Variants in ARNT observed in about 807,000 individuals in gnomAD.
The protein encoded by ARNT is aryl hydrocarbon receptor nuclear translocator, also known as class E basic helix-loop-helix protein 2.
Under a neutral mutation model 105.0 loss-of-function variants are expected in ARNT, and 30 were observed. The observed-to-expected ratio is 0.29, with a 90% CI of 0.21 to 0.39. The LOEUF (loss-of-function observed/expected upper bound fraction) is 0.39. Among genes scored for constraint, ARNT ranks in the 10% least tolerant of loss-of-function variants. The pLI, the probability that ARNT is intolerant of heterozygous loss-of-function variation, is 1.00. For synonymous variants in ARNT, 304 were observed against 344.0 expected, an observed-to-expected ratio of 0.88 and a Z score of 1.29; for missense variants, 748 against 978.7, an observed-to-expected ratio of 0.76 and a Z score of 3.15.
At chr1:150,837,930 T>C (rs1216203378) in intron 6 of ARNT, among the ~76,000 whole-genome samples, 1 of 152,158 alleles carries the variant, frequency 6.6e-6, no homozygotes, top group Non-Finnish European at 1.5e-5. Context: ...CCTCAAAATC[T>C]AACTATTCTC....
rs1283074134 is a variant in ARNT, at chr1:150,817,093, T to C, written c.1688A>G (p.Asn563Ser). The C allele has an allele frequency of 3.1e-6, 5 of 1,614,174 alleles. No homozygotes were observed. The highest frequency in any genetic ancestry group is 2.2e-5 in the South Asian group (2 of 91,092). Residue 563 changes from asparagine (N) to serine (S), a missense_variant, in exon 17 of 22, where the codon AAC becomes AGC. Around this residue, in one of 4 missense-constraint regions of ARNT, gnomAD observed 360 missense variants for 411.9 expected, o/e 0.87. Coordinates refer to ENST00000358595, the MANE Select transcript of ARNT (RefSeq NM_001668.4). ...AGAAAGAAACATACCCGCATTGATG[T>C]TGTGATAGATTTCTGAAAATCTTGG... ...RDPRFSEIYH[N>S]INADQSKGIS...
chr1:150,821,875 T>A (rs1041507502), intron 14 of ARNT, among the ~76,000 whole-genome samples: 13 of 149,300 alleles, frequency 8.7e-5, no homozygotes, highest in Non-Finnish European at 1.6e-4. Context: ...TTTCACCATG[T>A]TGGCCAGGCT....
chr1:150,815,267 G>A lies in ARNT; in HGVS notation c.1950+992C>T, dbSNP rs939448473. Among the ~76,000 whole-genome samples the A allele has an allele frequency of 7.3e-5, 11 of 151,708 alleles. No homozygotes were observed. In the East Asian group the frequency reaches 1.7e-3, roughly 24 times the overall value. Reference sequence around the variant, plus strand: ...TATGAATATTATAAAAGAATTTTTCGGCTGGATGCGGTGGCTCATGCCTGT... The same window carrying A: ...TATGAATATTATAAAAGAATTTTTCAGCTGGATGCGGTGGCTCATGCCTGT... On this transcript the variant is annotated intron_variant, in intron 19 of 21. Coordinates refer to ENST00000358595, the MANE Select transcript of ARNT (RefSeq NM_001668.4).
At chr1:150,864,883 CAA>C (rs587599690) in intron 1 of ARNT, among the ~76,000 whole-genome samples, 43 of 75,690 alleles carry the variant, frequency 5.7e-4, no homozygotes, top group African/African-American at 9.3e-4. Context: ...TTCTTTAAAT[CAA>C]AAAAAAAAAA....
intron 1 of ARNT, among the ~76,000 whole-genome samples, chr1:150,872,066 C>A (rs914297824): frequency 1.3e-5 from 2 of 152,036 alleles, no homozygotes; most frequent in Admixed American, 6.6e-5. Flanking sequence ...AGGTGATACT[C>A]CCATCTCAGC....
intron 6 of ARNT, among the ~76,000 whole-genome samples, chr1:150,838,529 T>C (rs10305685): frequency 0.051 from 7,726 of 152,316 alleles, 660 homozygotes; most frequent in African/African-American, 0.18. Flanking sequence ...CTACAAAGTA[T>C]GTAGTTTTAA....
At chr1:150,830,323 G>T in intron 10 of ARNT, 1 of 187,690 alleles carries the variant, frequency 5.3e-6, no homozygotes, top group Non-Finnish European at 1.1e-5. Context: ...TCCAGCCTGG[G>T]CGACAGACAG....
In ARNT at chr1:150,842,282, C is replaced by T. The variant is rs1661426226; in HGVS notation, c.272+142G>A. The T allele has an allele frequency of 8.9e-6, 12 of 1,344,098 alleles. No homozygotes were observed. The Middle Eastern group carries it at 6.5e-4, about 73-fold the overall frequency. The allele number at this position is 1,344,098 out of a possible 1,614,324, so 83.3% of individuals were successfully genotyped here. On this transcript the variant is annotated intron_variant, in intron 5 of 21. Transcript: ENST00000358595. Reference sequence around the variant, plus strand: ...GGGAAGCCAAAGTTCCTGTTACACTCAAACTTCTAAAAAATCTTGTCCTCT... The same window carrying T: ...GGGAAGCCAAAGTTCCTGTTACACTTAAACTTCTAAAAAATCTTGTCCTCT...
Position 150,829,290 on chromosome 1 carries a change from C to T in ARNT, c.1033-63G>A, listed in dbSNP as rs1264231252. 3.9e-6 allele frequency: 6 copies of T among 1,527,368 alleles called. No individual in the cohort carries two copies. The Admixed American group carries it at 1.0e-4, about 26-fold the overall frequency. 94.6% of individuals were successfully genotyped at this position (1,527,368 alleles called of 1,614,324 possible). On this transcript the variant is annotated intron_variant, in intron 11 of 21. Transcript: ENST00000358595. ...CATTATTTACAGATGTATTTCCTAT[C>T]TCCTCATGGTCTTTTGCATAGACAT... is the stretch of plus-strand genomic sequence containing the variant.
chr1:150,842,199 A>G lies in ARNT; in HGVS notation c.272+225T>C, dbSNP rs10305680. On this transcript the variant is annotated intron_variant, in intron 5 of 21. Transcript: ENST00000358595. ...GAAAAAGAAAAAAAAACTTAAAACT[A>G]ATAGCAATTTCTTAAATCCCTAAGC... is the stretch of plus-strand genomic sequence containing the variant. 12,997 of 907,100 alleles carry G rather than the reference A, an allele frequency of 0.014. 1,328 individuals carry two copies. The African/African-American group carries it at 0.21, about 15-fold the overall frequency. The allele number at this position is 907,100 out of a possible 1,614,324, so 56.2% of individuals were successfully genotyped here. A position where few individuals can be genotyped will look rare whatever the true frequency, so the allele number is the denominator to read the frequency against.
chr1:150,820,022 T>A (rs766069339), intron 14 of ARNT, among the ~76,000 whole-genome samples: 3 of 152,232 alleles, frequency 2.0e-5, no homozygotes, highest in Non-Finnish European at 4.4e-5. Flanking sequence ...GAGGAGGATG[T>A]AGCTATGCTC....
intron 14 of ARNT, among the ~76,000 whole-genome samples, chr1:150,822,576 C>T (rs867521923): frequency 6.6e-6 from 1 of 152,180 alleles, no homozygotes; most frequent in Non-Finnish European, 1.5e-5. Context: ...TCTGAAAGCT[C>T]TGCACTCCTT....
chr1:150,821,132 G>A (rs945872244), intron 14 of ARNT, among the ~76,000 whole-genome samples: 3 of 152,128 alleles, frequency 2.0e-5, no homozygotes, highest in African/African-American at 4.8e-5. Flanking sequence ...TGTATTTATC[G>A]TTATCATAAG....
chr1:150,817,619 C>T (rs1656168982), intron 15 of ARNT, among the ~76,000 whole-genome samples, 186 bp from the exon 16 acceptor site: 1 of 152,060 alleles, frequency 6.6e-6, no homozygotes, highest in Non-Finnish European at 1.5e-5. Flanking sequence ...ACCAGCCTGG[C>T]CAACATGGCA....
In ARNT at chr1:150,846,822, A is replaced by C. The variant is rs587657895; in HGVS notation, c.183-515T>G. 2.6e-5 allele frequency among the ~76,000 whole-genome samples: 4 copies of C among 152,126 alleles called. No homozygotes were observed. The East Asian group carries it at 7.7e-4, about 29-fold the overall frequency. Reference sequence around the variant, plus strand: ...AACCACCATTTTACTTTCTGTGTCTATGAATTTGACTACTTGTAGATACCT... The same window carrying C: ...AACCACCATTTTACTTTCTGTGTCTCTGAATTTGACTACTTGTAGATACCT... On this transcript the variant is annotated intron_variant, in intron 3 of 21. Transcript: ENST00000358595.
At chr1:150,821,657 TA>T (rs1657090937) in intron 14 of ARNT, among the ~76,000 whole-genome samples, 1 of 152,094 alleles carries the variant, frequency 6.6e-6, no homozygotes, top group Non-Finnish European at 1.5e-5. Flanking sequence ...TTTTTATTTT[TA>T]TTTTTTTTGA....
At chr1:150,820,658 AAAAAC>A (rs142445432) in intron 14 of ARNT, among the ~76,000 whole-genome samples, 29 of 151,966 alleles carry the variant, frequency 1.9e-4, no homozygotes, top group South Asian at 8.4e-4. Flanking sequence ...CCCTGTCTGA[AAAAAC>A]AAAACAAAAC....
At position 150,845,106 on chromosome 1, in the gene ARNT, C is replaced by T. The variant is rs143151470; in HGVS notation, c.227+1157G>A. Among the ~76,000 whole-genome samples the T allele has an allele frequency of 2.0e-5, 3 of 151,912 alleles. No homozygotes were observed. In the South Asian group the frequency reaches 6.2e-4, roughly 32 times the overall value. ...ATTACAGGCATATGCCACCACTCCCCGCCTCTTACTGTCATTTTTAAAAAA... is the reference window on the plus strand; with the variant it reads ...ATTACAGGCATATGCCACCACTCCCTGCCTCTTACTGTCATTTTTAAAAAA... On this transcript the variant is annotated intron_variant, in intron 4 of 21. Coordinates refer to ENST00000358595, the MANE Select transcript of ARNT (RefSeq NM_001668.4).
At chr1:150,821,892 G>A (rs1375346991) in intron 14 of ARNT, among the ~76,000 whole-genome samples, 1 of 139,912 alleles carries the variant, frequency 7.1e-6, no homozygotes, top group Non-Finnish European at 1.5e-5. Context: ...GGCTGGTCTC[G>A]AACTCCTGAC....
Sources: allele counts gnomAD v4.1 joint callset (sites outside exome capture counted in the v4.1 genomes callset), GRCh38; gene constraint gnomAD v4.1.1; regional missense constraint gnomAD v4.1.1; transcripts MANE v1.5; gene names NCBI Gene and HGNC (gene_info 2026-07-23, HGNC 2026-07-21).